The following SLC38A6 variants were observed in gnomAD, a reference collection of about 807,000 sequenced individuals.
The protein encoded by SLC38A6 is N system amino acid transporter NAT-1.
SLC38A6 carries 73 observed loss-of-function variants against 65.0 expected under a neutral mutation model. The observed-to-expected ratio is 1.12, with a 90% CI of 0.93 to 1.37. SLC38A6 has a LOEUF of 1.37. Among genes scored for constraint, SLC38A6 ranks in the 40% most tolerant of loss-of-function variants. SLC38A6 has a pLI of 0.00. For synonymous variants in SLC38A6, 183 were observed against 178.8 expected (o/e 1.02, Z -0.19); for missense variants, 561 against 531.1 (o/e 1.06, Z -0.55).
At chr14:61,074,134 A>G (rs2139975747) in intron 15 of SLC38A6, among the ~76,000 whole-genome samples, 1 of 152,302 alleles carries the variant, frequency 6.6e-6, no homozygotes, top group Non-Finnish European at 1.5e-5. Context: ...AAAATTGTAC[A>G]CAGATTTTCA....
chr14:61,027,950 TTGTA>T (rs1488417608), intron 5 of SLC38A6, among the ~76,000 whole-genome samples: 2 of 151,784 alleles, frequency 1.3e-5, no homozygotes, highest in African/African-American at 4.8e-5. Flanking sequence ...TATTTGTATC[TTGTA>T]TGTGAGGTCT....
At chr14:60,990,893 A>G (rs2037832023) in intron 3 of SLC38A6, among the ~76,000 whole-genome samples, 1 of 152,090 alleles carries the variant, frequency 6.6e-6, no homozygotes, top group Non-Finnish European at 1.5e-5. Flanking sequence ...CACGATGCCT[A>G]GGCTGTTTTC....
intron 2 of SLC38A6, 104 bp from the exon 3 acceptor site, chr14:60,984,626 T>C: frequency 1.2e-6 from 1 of 854,326 alleles, no homozygotes; most frequent in Non-Finnish European, 2.0e-6. Context: ...TCAGAGATAG[T>C]TCCTGTGAAT....
intron 15 of SLC38A6, among the ~76,000 whole-genome samples, chr14:61,075,384 G>C (rs1209966616): frequency 1.3e-5 from 2 of 152,162 alleles, no homozygotes; most frequent in South Asian, 2.1e-4. Flanking sequence ...TTCAAAGGCA[G>C]AGATGGCCAA....
At chr14:61,014,981 G>GCCCCTC (rs1332743270) in intron 3 of SLC38A6, among the ~76,000 whole-genome samples, 2 of 152,200 alleles carry the variant, frequency 1.3e-5, no homozygotes, top group Non-Finnish European at 2.9e-5. Flanking sequence ...GCCCCTAGAG[G>GCCCCTC]TGGAGTCTAC....
At chr14:61,062,277 T>C (rs2042874820) in intron 15 of SLC38A6, among the ~76,000 whole-genome samples, 1 of 152,196 alleles carries the variant, frequency 6.6e-6, no homozygotes, top group East Asian at 1.9e-4. Context: ...CATTTTATAT[T>C]CCAGAGAGCA....
intron 12 of SLC38A6, chr14:61,048,377 A>G (rs1050530205): frequency 3.1e-6 from 1 of 318,274 alleles, no homozygotes; most frequent in Non-Finnish European, 6.2e-6. Context: ...CTGTTTGACA[A>G]TGTGTATTAA....
At chr14:60,991,477 C>G (rs2037881503) in intron 3 of SLC38A6, among the ~76,000 whole-genome samples, 1 of 152,006 alleles carries the variant, frequency 6.6e-6, no homozygotes, top group African/African-American at 2.4e-5. Context: ...AGTAACTTGT[C>G]CAAGAGAGGT....
At chr14:61,061,267 C>G (rs1169143541) in intron 15 of SLC38A6, among the ~76,000 whole-genome samples, 1 of 152,202 alleles carries the variant, frequency 6.6e-6, no homozygotes, top group Non-Finnish European at 1.5e-5. Context: ...TTGAACCAAC[C>G]TTGCATCCCG....
At chr14:61,073,523 CAGAA>C (rs531503045) in intron 15 of SLC38A6, among the ~76,000 whole-genome samples, 1 of 152,240 alleles carries the variant, frequency 6.6e-6, no homozygotes, top group South Asian at 2.1e-4. Context: ...ATCATTAACT[CAGAA>C]AGGCCAACTA....
chr14:61,062,368 G>A (rs1247414579), intron 15 of SLC38A6, among the ~76,000 whole-genome samples: 2 of 152,094 alleles, frequency 1.3e-5, no homozygotes, highest in Non-Finnish European at 2.9e-5. Context: ...ATTCTAATTG[G>A]CATGTAGTGG....
intron 5 of SLC38A6, among the ~76,000 whole-genome samples, chr14:61,021,443 G>A (rs1017087452): frequency 6.6e-6 from 1 of 152,046 alleles, no homozygotes; most frequent in South Asian, 2.1e-4. Flanking sequence ...TTTCTTATTC[G>A]GAGTACCCTT....
In SLC38A6 at chr14:61,037,665, G is replaced by T; in HGVS notation, c.606G>T (p.Met202Ile). ...CAAGTAGTTTATCATTTTTCTTTAT[G>T]ATGTTCTTTGCTCTTGTGGTAAGTT... ...GYTSSLSFFF[M>I]MFFALVVIIK... is the part of the protein sequence containing the mutation. Residue 202 changes from methionine (M) to isoleucine (I), a missense_variant, in exon 8 of 16, where the codon ATG (methionine) becomes ATT (isoleucine). Met to Ile is a conservative substitution (Grantham distance 10). Coordinates refer to ENST00000267488, the MANE Select transcript of SLC38A6 (RefSeq NM_153811.3). 6.3e-7 allele frequency: 1 copy of T among 1,590,526 alleles called. No homozygotes were observed. The highest frequency in any genetic ancestry group is 8.6e-7 in the Non-Finnish European group (1 of 1,164,438).
chr14:61,054,812 T>G (rs1424415576), downstream of SLC38A6, among the ~76,000 whole-genome samples: 1 of 152,130 alleles, frequency 6.6e-6, no homozygotes, highest in Non-Finnish European at 1.5e-5. Flanking sequence ...CAAACAGAGA[T>G]AGTTTGACTT....
rs534333187 is a variant in SLC38A6 at position 61,034,993 on chromosome 14, A to G, written c.483-2066A>G. Among the ~76,000 whole-genome samples the G allele has an allele frequency of 3.9e-5, 6 of 152,292 alleles. No individual in the cohort carries two copies. The South Asian group carries it at 1.0e-3, about 26-fold the overall frequency. On this transcript the variant is annotated intron_variant, in intron 6 of 15. Transcript: ENST00000267488. ...AGAAGCCACTGGTTGAAATCCATGTAGAAGACCTTTGCCTAATTTAACATG... is the reference window on the plus strand; with the variant it reads ...AGAAGCCACTGGTTGAAATCCATGTGGAAGACCTTTGCCTAATTTAACATG...
intron 4 of SLC38A6, among the ~76,000 whole-genome samples, chr14:61,016,788 T>C (rs1291241479): frequency 1.3e-5 from 2 of 152,338 alleles, no homozygotes; most frequent in South Asian, 2.1e-4. Context: ...GATTGACAAA[T>C]ACAAATTGTA....
At chr14:61,026,727 C>G (rs1377578017) in intron 5 of SLC38A6, among the ~76,000 whole-genome samples, 2 of 151,526 alleles carry the variant, frequency 1.3e-5, no homozygotes, top group African/African-American at 4.9e-5. Context: ...TTTCTCAACC[C>G]AGGCGGGCTG....
chr14:61,065,484 A>G (rs1216063068), intron 15 of SLC38A6, among the ~76,000 whole-genome samples: 1 of 152,072 alleles, frequency 6.6e-6, no homozygotes, highest in Non-Finnish European at 1.5e-5. Flanking sequence ...TCTTTGCAAA[A>G]TCTCCTGTTC....
intron 15 of SLC38A6, among the ~76,000 whole-genome samples, chr14:61,061,726 CCA>C (rs1390764708): frequency 5.9e-5 from 9 of 152,304 alleles, no homozygotes; most frequent in African/African-American, 2.2e-4. Flanking sequence ...TATGGATGTA[CCA>C]CAGTTTGTTT....
Sources: gnomAD v4.1 joint callset for allele counts (sites outside exome capture counted in the v4.1 genomes callset) on GRCh38, gnomAD v4.1.1 for gene constraint, MANE v1.5 for transcripts, NCBI Gene and HGNC (gene_info 2026-07-23, HGNC 2026-07-21) for gene names.